Variants in ADAMTSL3 observed in about 807,000 individuals in gnomAD.
ADAMTSL3 encodes ADAMTS-like protein 3.
Under a neutral mutation model 201.7 loss-of-function variants are expected in ADAMTSL3, and 128 were observed. The ratio of observed to expected loss-of-function variants is 0.63; its 90% confidence interval spans 0.55 to 0.73. ADAMTSL3 has a LOEUF of 0.73. Among genes scored for constraint, ADAMTSL3 ranks in the 30% least tolerant of loss-of-function variants. ADAMTSL3 has a pLI of 0.00. For missense variants in ADAMTSL3, 1,990 were observed against 2,119.6 expected (o/e 0.94, Z 1.20); for synonymous variants, 738 against 748.4 (o/e 0.99, Z 0.23).
chr15:83,722,326 G>C (rs949700888), intron 3 of ADAMTSL3, among the ~76,000 whole-genome samples: 2 of 152,128 alleles, frequency 1.3e-5, no homozygotes, highest in South Asian at 4.1e-4. Flanking sequence ...GACATCAAAC[G>C]GAAGAGAGGA....
At chr15:83,947,164 CCTT>C (rs1318458201) in intron 19 of ADAMTSL3, among the ~76,000 whole-genome samples, 1 of 151,924 alleles carries the variant, frequency 6.6e-6, no homozygotes, top group African/African-American at 2.4e-5. Flanking sequence ...CCAAACTAGT[CCTT>C]CTGCCATGGG....
chr15:83,686,232 A>AT (rs2061534299), intron 2 of ADAMTSL3, among the ~76,000 whole-genome samples: 1 of 152,162 alleles, frequency 6.6e-6, no homozygotes, highest in African/African-American at 2.4e-5. Flanking sequence ...TTTGTGATTC[A>AT]TTTGCATTTC....
intron 20 of ADAMTSL3, among the ~76,000 whole-genome samples, chr15:83,981,871 T>A (rs2067390075): frequency 6.6e-6 from 1 of 152,224 alleles, no homozygotes; most frequent in African/African-American, 2.4e-5. Context: ...CAGACCCTTA[T>A]TGATGGAAAC....
chr15:83,907,954 T>G (rs1222909842), intron 15 of ADAMTSL3, among the ~76,000 whole-genome samples: 2 of 152,226 alleles, frequency 1.3e-5, no homozygotes, highest in Non-Finnish European at 2.9e-5. Context: ...GAAATCTCCA[T>G]GGAGGTTGTC....
intron 3 of ADAMTSL3, among the ~76,000 whole-genome samples, chr15:83,723,358 A>G (rs375810190): frequency 8.5e-5 from 13 of 152,226 alleles, no homozygotes; most frequent in African/African-American, 3.1e-4. Context: ...GAATACTGCT[A>G]AGTGCAGTGC....
At chr15:83,963,938 TAAC>T (rs2067028114) in intron 19 of ADAMTSL3, among the ~76,000 whole-genome samples, 1 of 152,056 alleles carries the variant, frequency 6.6e-6, no homozygotes, top group Non-Finnish European at 1.5e-5. Context: ...GAAGGAAAAT[TAAC>T]AAACAGAGAG....
At chr15:83,997,889 G>C (rs2067716659) in intron 23 of ADAMTSL3, among the ~76,000 whole-genome samples, 1 of 152,042 alleles carries the variant, frequency 6.6e-6, no homozygotes, top group Non-Finnish European at 1.5e-5. Flanking sequence ...TTCTATCTTG[G>C]ACCATTGGTC....
At chr15:83,801,669 T>A (rs369241213) in intron 4 of ADAMTSL3, among the ~76,000 whole-genome samples, 1,738 of 48,166 alleles carry the variant, frequency 0.036, 174 homozygotes, top group African/African-American at 0.11. Flanking sequence ...TATATATATA[T>A]ATATATATAT....
chr15:83,759,296 G>A (rs1025731259), intron 3 of ADAMTSL3, among the ~76,000 whole-genome samples: 16 of 150,700 alleles, frequency 1.1e-4, no homozygotes, highest in Non-Finnish European at 1.9e-4. Flanking sequence ...CTCGACCTCC[G>A]CTCACTGCAA....
chr15:83,858,782 T>A lies in ADAMTSL3; in HGVS notation c.744T>A (p.Ile248=), dbSNP rs748607535. The A allele has an allele frequency of 1.9e-6, 3 of 1,613,928 alleles. No homozygotes were observed. The highest frequency in any genetic ancestry group is 2.5e-6 in the Non-Finnish European group (3 of 1,179,874). Residue 248 remains isoleucine, a synonymous_variant, in exon 8 of 30, where the codon ATT becomes ATA. Coordinates refer to ENST00000286744, the MANE Select transcript of ADAMTSL3 (RefSeq NM_207517.3). ...VSPEKREENV[I]AVPLGSRSVR... ...CTTTCCCAGGAGAAGAAAATGTAATTGCTGTTCCTTTGGGAAGTCGAAGTG... is the reference window on the plus strand; with the variant it reads ...CTTTCCCAGGAGAAGAAAATGTAATAGCTGTTCCTTTGGGAAGTCGAAGTG...
intron 17 of ADAMTSL3, among the ~76,000 whole-genome samples, chr15:83,931,080 C>T (rs113372442): frequency 1.6e-4 from 25 of 152,312 alleles, no homozygotes; most frequent in Admixed American, 3.9e-4. Flanking sequence ...CCTATAACTG[C>T]TGAGTGCCTG....
chr15:83,842,413 G>A (rs1334523174), intron 7 of ADAMTSL3, among the ~76,000 whole-genome samples: 1 of 152,026 alleles, frequency 6.6e-6, no homozygotes, highest in Non-Finnish European at 1.5e-5. Context: ...AACTCTAGAC[G>A]CTGCCTTGGG....
At chr15:83,780,409 A>G (rs75102603) in intron 4 of ADAMTSL3, among the ~76,000 whole-genome samples, 69 of 100,952 alleles carry the variant, frequency 6.8e-4, no homozygotes, top group African/African-American at 2.9e-3. Flanking sequence ...AAACTCCATT[A>G]AAAAAAAAAA....
At chr15:84,034,363 A>G (rs2068464606) in intron 28 of ADAMTSL3, among the ~76,000 whole-genome samples, 1 of 152,156 alleles carries the variant, frequency 6.6e-6, no homozygotes, top group Non-Finnish European at 1.5e-5. Context: ...AAGGAGTAGC[A>G]TTAGTGGCGT....
chr15:83,712,864 TATCATTCTTCAA>T (rs1276971153), intron 3 of ADAMTSL3, among the ~76,000 whole-genome samples: 1 of 152,222 alleles, frequency 6.6e-6, no homozygotes, highest in African/African-American at 2.4e-5. Context: ...AACTGGACCA[TATCATTCTTCAA>T]ACTACTCTGC....
At chr15:83,994,762 A>ATTT (rs58549986) in intron 23 of ADAMTSL3, among the ~76,000 whole-genome samples, 1 of 112,454 alleles carries the variant, frequency 8.9e-6, no homozygotes, top group African/African-American at 3.4e-5. Context: ...ATGCCTGGCT[A>ATTT]TTTTTTTTTT....
At chr15:83,857,405 C>T (rs2064761324) in intron 7 of ADAMTSL3, among the ~76,000 whole-genome samples, 1 of 152,048 alleles carries the variant, frequency 6.6e-6, no homozygotes, top group Admixed American at 6.6e-5. Context: ...TTTAACCTTC[C>T]TTTTTTAAAG....
chr15:84,004,434 C>T (rs2067854962), intron 23 of ADAMTSL3, among the ~76,000 whole-genome samples: 1 of 152,126 alleles, frequency 6.6e-6, no homozygotes, highest in Admixed American at 6.5e-5. Flanking sequence ...AATATCCTCT[C>T]AAAATGAGAG....
intron 3 of ADAMTSL3, among the ~76,000 whole-genome samples, chr15:83,762,386 G>A (rs1373475502): frequency 6.6e-6 from 1 of 152,140 alleles, no homozygotes; most frequent in Admixed American, 6.5e-5. Flanking sequence ...TAGTCAATTT[G>A]TGCTGCTATA....
Sources: gnomAD v4.1 joint callset for allele counts (sites outside exome capture counted in the v4.1 genomes callset) on GRCh38, gnomAD v4.1.1 for gene constraint, MANE v1.5 for transcripts, NCBI Gene and HGNC (gene_info 2026-07-23, HGNC 2026-07-21) for gene names.